The following ZFP90 variants were observed in gnomAD, a reference collection of about 807,000 sequenced individuals.
ZFP90 encodes ZFP90 zinc finger protein.
Under a neutral mutation model 60.8 loss-of-function variants are expected in ZFP90, and 38 were observed. The observed-to-expected ratio is 0.62, with a 90% CI of 0.48 to 0.82. ZFP90 has a LOEUF of 0.82. Among genes scored for constraint, ZFP90 ranks in the 40% least tolerant of loss-of-function variants. The probability of loss-of-function intolerance (pLI) is 0.00; values close to 1 mark genes in which losing one functional copy is unlikely to be tolerated. For synonymous variants in ZFP90, 287 were observed against 264.8 expected (o/e 1.08, Z -0.82); for missense variants, 711 against 759.1 (o/e 0.94, Z 0.74).
chr16:68,554,862 G>T (rs1174965447), intron 2 of ZFP90, among the ~76,000 whole-genome samples: 1 of 152,176 alleles, frequency 6.6e-6, no homozygotes, highest in African/African-American at 2.4e-5. Flanking sequence ...AAGGAGTCCT[G>T]GTTGGGCAAT....
At chr16:68,576,051 A>G (rs992001919) in exon 3 of ZFP90, 1 of 367,608 alleles carries the variant, frequency 2.7e-6, no homozygotes, top group African/African-American at 2.1e-5. Flanking sequence ...AAAAAAAAAA[A>G]AAAAAAGCAT....
At chr16:68,568,586 GAC>G (rs1372440172), downstream of ZFP90, among the ~76,000 whole-genome samples, 5 of 152,170 alleles carry the variant, frequency 3.3e-5, no homozygotes, top group Non-Finnish European at 7.4e-5. Flanking sequence ...GAGGAAAAGA[GAC>G]ACACACAAAG....
intron 2 of ZFP90, among the ~76,000 whole-genome samples, chr16:68,549,411 C>G (rs1434988063): frequency 6.6e-6 from 1 of 152,146 alleles, no homozygotes; most frequent in African/African-American, 2.4e-5. Flanking sequence ...GGCGCGGTGG[C>G]TCATGCCTGT....
chr16:68,537,275 G>A (rs1006447792), upstream of ZFP90, among the ~76,000 whole-genome samples: 1 of 151,438 alleles, frequency 6.6e-6, no homozygotes, highest in African/African-American at 2.4e-5. Context: ...ACAGGCGCAC[G>A]CCACCACACC....
downstream of ZFP90, among the ~76,000 whole-genome samples, chr16:68,569,541 T>C (rs747051861): frequency 2.0e-5 from 3 of 152,212 alleles, no homozygotes; most frequent in Non-Finnish European, 4.4e-5. Context: ...CTTTAACCTC[T>C]GCAGCACTTC....
downstream of ZFP90, among the ~76,000 whole-genome samples, chr16:68,569,311 A>G (rs890327792): frequency 6.6e-6 from 1 of 151,590 alleles, no homozygotes; most frequent in Non-Finnish European, 1.5e-5. Context: ...TATTTTTTGT[A>G]TTTTTAGTAG....
At chr16:68,543,078 A>C (rs1328956501) in intron 2 of ZFP90, among the ~76,000 whole-genome samples, 1 of 152,188 alleles carries the variant, frequency 6.6e-6, no homozygotes, top group Non-Finnish European at 1.5e-5. Flanking sequence ...TGATGTGGTC[A>C]GGGTAAGCCT....
At chr16:68,567,791 G>A (rs1051753491), downstream of ZFP90, among the ~76,000 whole-genome samples, 1 of 152,182 alleles carries the variant, frequency 6.6e-6, no homozygotes, top group African/African-American at 2.4e-5. Flanking sequence ...CCTAAAATAT[G>A]TATGATATAC....
rs762615717 is a variant in ZFP90 at position 68,564,539 on chromosome 16, T to G, written c.1752T>G (p.Asn584Lys). 1 of 1,614,008 alleles carries G rather than the reference T, an allele frequency of 6.2e-7. No individual in the cohort carries two copies. Among genetic ancestry groups the G allele is most frequent in the Non-Finnish European group, 8.5e-7 (1 of 1,179,948 alleles). ...THTGEKPYEC[N>K]ECGRAFRKKT... ...CTGGAGAGAAGCCCTATGAATGTAA[T>G]GAATGTGGGAGAGCCTTCCGAAAAA... The change falls in exon 5 of 5, where the codon AAT becomes AAG. Residue 584 changes from asparagine (N) to lysine (K), a missense_variant. Coordinates refer to ENST00000563169, the MANE Select transcript of ZFP90 (RefSeq NM_001305203.2).
At chr16:68,576,309 C>G (rs1267205023), downstream of ZFP90, among the ~76,000 whole-genome samples, 1 of 152,172 alleles carries the variant, frequency 6.6e-6, no homozygotes, top group Non-Finnish European at 1.5e-5. Context: ...ACAGCCTTTT[C>G]CCCAGGGGTA....
At chr16:68,556,960 C>T (rs546087160) in intron 2 of ZFP90, among the ~76,000 whole-genome samples, 4 of 152,064 alleles carry the variant, frequency 2.6e-5, no homozygotes, top group African/African-American at 4.8e-5. Flanking sequence ...GATCAGCATG[C>T]GACAGCCTGG....
At chr16:68,539,909 C>T (rs1261856118) in intron 2 of ZFP90, 84 bp downstream of exon 2, 4 of 1,516,740 alleles carry the variant, frequency 2.6e-6, no homozygotes, top group South Asian at 2.4e-5. Flanking sequence ...AGTCATTGTT[C>T]TCTGCCTGGC....
upstream of ZFP90, chr16:68,535,621 G>A (rs2090954667): frequency 6.6e-6 from 1 of 151,920 alleles, no homozygotes; most frequent in South Asian, 2.1e-4. Flanking sequence ...AGCTATACTA[G>A]GCATTGGCAA....
downstream of ZFP90, among the ~76,000 whole-genome samples, chr16:68,571,020 A>G (rs1299890769): frequency 1.3e-5 from 2 of 152,182 alleles, no homozygotes; most frequent in Non-Finnish European, 2.9e-5. Context: ...TTTAGGGGGA[A>G]CTTAGAGACA....
intron 2 of ZFP90, among the ~76,000 whole-genome samples, chr16:68,541,814 T>C (rs183957265): frequency 1.1e-3 from 162 of 152,278 alleles, no homozygotes; most frequent in African/African-American, 3.7e-3. Context: ...ACTCTGGTCT[T>C]TTCCATAGTG....
downstream of ZFP90, among the ~76,000 whole-genome samples, chr16:68,570,508 A>C (rs2091562031): frequency 6.6e-6 from 1 of 152,240 alleles, no homozygotes; most frequent in Admixed American, 6.5e-5. Context: ...ATCTCTGGAA[A>C]AGGGGTGGTA....
chr16:68,565,756 TA>T lies in ZFP90; in HGVS notation c.*1061del. 5 of 985,514 alleles carry T rather than the reference TA, an allele frequency of 5.1e-6. No homozygotes were observed. The highest frequency in any genetic ancestry group is 6.0e-6 in the Non-Finnish European group (5 of 829,920). 61.0% of individuals were successfully genotyped at this position (985,514 alleles called of 1,614,324 possible). A position where few individuals can be genotyped will look rare whatever the true frequency, so the allele number is the denominator to read the frequency against. On this transcript the variant is annotated 3_prime_UTR_variant, in exon 5 of 5. Transcript: ENST00000563169. ...AGTTAAGTCTAATTGCCCATTGCCA[TA>T]AATTTTGCCTTGTACTCAGAGAAGC...
chr16:68,566,943 T>C lies in ZFP90; in HGVS notation c.*2245T>C, dbSNP rs1402171836. ...CTTGGCCTAGATCCAGCCACCACTC[T>C]GAAACTCAGCACATCTTCATTGACA... On this transcript the variant is annotated 3_prime_UTR_variant, in exon 5 of 5. Transcript: ENST00000563169. 4 of 985,522 alleles carry C rather than the reference T, an allele frequency of 4.1e-6. No individual in the cohort carries two copies. Among genetic ancestry groups the C allele is most frequent in the Non-Finnish European group, 4.8e-6 (4 of 829,976 alleles). The allele number at this position is 985,522 out of a possible 1,614,324, so 61.0% of individuals were successfully genotyped here. A position where few individuals can be genotyped will look rare whatever the true frequency, so the allele number is the denominator to read the frequency against.
intron 2 of ZFP90, among the ~76,000 whole-genome samples, chr16:68,543,610 G>C (rs1330377441): frequency 6.6e-6 from 1 of 150,468 alleles, no homozygotes; most frequent in Non-Finnish European, 1.5e-5. Flanking sequence ...CGCCAGGCTA[G>C]AGTGCAGTGG....
Sources: gnomAD v4.1 joint callset for allele counts (sites outside exome capture counted in the v4.1 genomes callset) on GRCh38, gnomAD v4.1.1 for gene constraint, MANE v1.5 for transcripts, NCBI Gene and HGNC (gene_info 2026-07-23, HGNC 2026-07-21) for gene names.